STXBP4: variants seen among roughly 807,000 people sequenced by gnomAD.
STXBP4 encodes the protein syntaxin-binding protein 4.
A neutral mutation model predicts 76.1 loss-of-function variants in STXBP4; 55 were observed. That is an observed-to-expected ratio of 0.72 (90% CI 0.58 to 0.91). The LOEUF (loss-of-function observed/expected upper bound fraction) is 0.91, where lower values mean the gene tolerates loss of function less well. Among genes scored for constraint, STXBP4 ranks in the 40% least tolerant of loss-of-function variants. The pLI is 0.00. For synonymous variants in STXBP4, 201 were observed against 220.2 expected, an observed-to-expected ratio of 0.91 and a Z score of 0.77; for missense variants, 618 against 636.9, an observed-to-expected ratio of 0.97 and a Z score of 0.32.
chr17:55,060,023 A>G (rs2078975792), intron 12 of STXBP4, among the ~76,000 whole-genome samples: 2 of 152,138 alleles, frequency 1.3e-5, no homozygotes, highest in African/African-American at 4.8e-5. Flanking sequence ...TCAGAGTAGT[A>G]CTTAGTATAT....
chr17:55,167,214 C>T lies in STXBP4; in HGVS notation c.*7303C>T, dbSNP rs764274651. On this transcript the variant is annotated 3_prime_UTR_variant, in exon 18 of 18. Transcript: ENST00000376352. The stretch of plus-strand genomic sequence containing the variant: ...GAAAGTAGGGCATGTGTCATCTCTC[C>T]TAGTAGACTGTGAGTCCTTTATTAC... The T allele has an allele frequency of 1.3e-5, 2 of 152,164 alleles. No individual in the cohort carries two copies. The highest frequency in any genetic ancestry group is 2.4e-5 in the African/African-American group (1 of 41,438). 9.4% of individuals were successfully genotyped at this position (152,164 alleles called of 1,614,324 possible).
In STXBP4 at chr17:55,081,108, C is replaced by A; in HGVS notation, c.1414C>A (p.Arg472Ser). The A allele has an allele frequency of 6.4e-7, 1 of 1,558,112 alleles. No individual in the cohort carries two copies. The highest frequency in any genetic ancestry group is 2.0e-5 in the Admixed American group (1 of 49,778). ...CCTCACACCACTGGGAAGGAATGGA[C>A]GTAGCATCCCAGCAACGCTGGCGCT... is the stretch of plus-strand genomic sequence containing the variant. Reference protein sequence around the residue: ...TSLTPLGRNGRSIPATLALES... With the variant: ...TSLTPLGRNGSSIPATLALES... Residue 472 changes from arginine to serine, a missense_variant, in exon 16 of 18, where the codon CGT becomes AGT. Physicochemically the swap from Arg to Ser is moderately radical, Grantham distance 110 (BLOSUM62 -1). Transcript: ENST00000376352.
chr17:55,210,403 C>T, the STXBP4 span, among the ~76,000 whole-genome samples: 1 of 152,138 alleles, frequency 6.6e-6, no homozygotes, highest in East Asian at 1.9e-4. Flanking sequence ...GTTTTGTTTA[C>T]TTTAAATTGG....
rs374010604 is a variant in STXBP4 at position 54,982,000 on chromosome 17, G to A, written c.-156-3614G>A. On this transcript the variant is annotated intron_variant, in intron 1 of 17. Transcript: ENST00000376352. ...CAATAAAACTGGCAAAAATCCAAACGTTATTTAGTATACCATAGTGGAGAA... is the reference window on the plus strand; with the variant it reads ...CAATAAAACTGGCAAAAATCCAAACATTATTTAGTATACCATAGTGGAGAA... Among the ~76,000 whole-genome samples, 227 of 152,224 alleles carry A rather than the reference G, an allele frequency of 1.5e-3. 7 individuals carry two copies. In the South Asian group the frequency reaches 0.045, roughly 30 times the overall value.
intron 16 of STXBP4, among the ~76,000 whole-genome samples, chr17:55,109,294 C>G (rs1268750562): frequency 6.6e-6 from 1 of 152,096 alleles, no homozygotes; most frequent in Non-Finnish European, 1.5e-5. Context: ...GGTTATTTGA[C>G]TATTCTGGTT....
chr17:54,980,943 T>TTG (rs1555619937), intron 1 of STXBP4, among the ~76,000 whole-genome samples: 3 of 151,992 alleles, frequency 2.0e-5, no homozygotes, highest in South Asian at 2.1e-4. Flanking sequence ...GCGTTTTTTT[T>TTG]TTGTTGTTGT....
intron 17 of STXBP4, among the ~76,000 whole-genome samples, 194 bp from the exon 18 acceptor site, chr17:55,159,603 A>C (rs1356578073): frequency 1.3e-5 from 2 of 152,244 alleles, no homozygotes; most frequent in Non-Finnish European, 2.9e-5. Context: ...TTAACCAAAG[A>C]AGAAAGAAAG....
At chr17:55,192,549 T>C in the STXBP4 span, among the ~76,000 whole-genome samples, 1 of 152,194 alleles carries the variant, frequency 6.6e-6, no homozygotes, top group Non-Finnish European at 1.5e-5. Context: ...CCAGGACTCC[T>C]ACATCAATTG....
intron 16 of STXBP4, among the ~76,000 whole-genome samples, chr17:55,105,529 G>A (rs546571953): frequency 1.1e-4 from 17 of 148,976 alleles, no homozygotes; most frequent in South Asian, 6.4e-4. Context: ...GTGCAGTGGC[G>A]CAATCTCAGC....
At chr17:55,173,759 CT>C (rs1278555476), downstream of STXBP4, 2 of 152,178 alleles carry the variant, frequency 1.3e-5, no homozygotes, top group African/African-American at 4.8e-5. Context: ...AATTTAGTGA[CT>C]TAAGCATTAC....
chr17:55,155,732 T>G (rs1256116363), intron 17 of STXBP4, among the ~76,000 whole-genome samples: 1 of 152,150 alleles, frequency 6.6e-6, no homozygotes, highest in African/African-American at 2.4e-5. Flanking sequence ...AAATCCTTTT[T>G]GTTTAACAGG....
intron 16 of STXBP4, among the ~76,000 whole-genome samples, chr17:55,140,438 T>G (rs1409513869): frequency 3.3e-5 from 5 of 152,028 alleles, no homozygotes; most frequent in African/African-American, 1.2e-4. Context: ...GCTACCTGAG[T>G]CGTGATAAGC....
intron 17 of STXBP4, among the ~76,000 whole-genome samples, chr17:55,142,395 C>A (rs1334104104): frequency 6.6e-6 from 1 of 152,132 alleles, no homozygotes; most frequent in Non-Finnish European, 1.5e-5. Context: ...CCTTGCTATC[C>A]CCTTTCAAAT....
intron 16 of STXBP4, among the ~76,000 whole-genome samples, chr17:55,083,332 A>G (rs1272005065): frequency 6.6e-6 from 1 of 152,146 alleles, no homozygotes; most frequent in African/African-American, 2.4e-5. Flanking sequence ...TGAAGATATT[A>G]CTCAAAAAAG....
At position 55,160,873 on chromosome 17, in the gene STXBP4, C is replaced by A. The variant is rs375055985; in HGVS notation, c.*962C>A. 6.6e-6 allele frequency: 1 copy of A among 152,412 alleles called. No individual in the cohort carries two copies. The highest frequency in any genetic ancestry group is 2.1e-4 in the South Asian group (1 of 4,828). The allele number at this position is 152,412 out of a possible 1,614,324, so 9.4% of individuals were successfully genotyped here. On this transcript the variant is annotated 3_prime_UTR_variant, in exon 18 of 18. Coordinates refer to ENST00000376352, the MANE Select transcript of STXBP4 (RefSeq NM_178509.6). ...TTTCAGCAGACTTCTTTCAGCAGCT[C>A]GTGTTTTTCTAAAGTGAAAGGCATG...
chr17:55,089,492 A>G (rs949797503), intron 16 of STXBP4, among the ~76,000 whole-genome samples: 3 of 152,214 alleles, frequency 2.0e-5, no homozygotes, highest in Non-Finnish European at 4.4e-5. Flanking sequence ...ACTGTGAGGA[A>G]ACTTTTGTCT....
At chr17:54,989,007 A>AT (rs1261059341) in intron 3 of STXBP4, among the ~76,000 whole-genome samples, 1 of 152,206 alleles carries the variant, frequency 6.6e-6, no homozygotes, top group Non-Finnish European at 1.5e-5. Flanking sequence ...TTTAGAAATT[A>AT]TTTTTTTGAA....
At chr17:55,097,459 C>G (rs180781596) in intron 16 of STXBP4, among the ~76,000 whole-genome samples, 48 of 152,140 alleles carry the variant, frequency 3.2e-4, no homozygotes, top group Middle Eastern at 6.8e-3. Flanking sequence ...GTCAGGAGAT[C>G]GAGACCATCC....
At position 54,999,468 on chromosome 17, in the gene STXBP4, TGA is replaced by T; in HGVS notation, c.287+20_287+21del. The T allele has an allele frequency of 6.4e-7, 1 of 1,567,718 alleles. No individual in the cohort carries two copies. Among genetic ancestry groups the T allele is most frequent in the East Asian group, 2.2e-5 (1 of 44,528 alleles). Reference sequence around the variant, plus strand: ...CAAGTTGAGGTAACTATACTATCCATGAGATAGAATGAGTCATTTAGAATGTC... The same window carrying T: ...CAAGTTGAGGTAACTATACTATCCATGATAGAATGAGTCATTTAGAATGTC... On this transcript the variant is annotated intron_variant, in intron 5 of 17. Transcript: ENST00000376352.
Sources: gnomAD v4.1 joint callset for allele counts (sites outside exome capture counted in the v4.1 genomes callset) on GRCh38, gnomAD v4.1.1 for gene constraint, MANE v1.5 for transcripts, NCBI Gene and HGNC (gene_info 2026-07-23, HGNC 2026-07-21) for gene names.